TTLL10: variants seen among roughly 807,000 people sequenced by gnomAD.
TTLL10 encodes the protein tubulin tyrosine ligase like 10.
TTLL10 carries 61 observed loss-of-function variants against 69.0 expected under a neutral mutation model. The observed-to-expected ratio is 0.88, with a 90% CI of 0.72 to 1.09. TTLL10 has a LOEUF of 1.09. TTLL10 is among the 50% of genes least tolerant of loss of function. TTLL10 has a pLI of 0.00. For missense variants in TTLL10, 962 were observed against 945.9 expected, an observed-to-expected ratio of 1.02 and a Z score of -0.22; for synonymous variants, 408 against 393.3, an observed-to-expected ratio of 1.04 and a Z score of -0.44.
chr1:1,179,809 G>A, intron 5 of TTLL10, 72 bp downstream of exon 5: 1 of 1,478,514 alleles, frequency 6.8e-7, no homozygotes, highest in South Asian at 1.3e-5. Context: ...GAACCTGCCG[G>A]CAGGAAGCCT....
chr1:1,183,542 G>A (rs1314347437), intron 11 of TTLL10, among the ~76,000 whole-genome samples: 2 of 152,168 alleles, frequency 1.3e-5, no homozygotes, highest in African/African-American at 4.8e-5. Context: ...GCTTCCATCG[G>A]CTCCTCCCTC....
chr1:1,173,951 C>T lies in TTLL10; in HGVS notation c.-131+25C>T, dbSNP rs900300978. 6.6e-6 allele frequency: 1 copy of T among 152,342 alleles called. No individual in the cohort carries two copies. The highest frequency in any genetic ancestry group is 1.5e-5 in the Non-Finnish European group (1 of 68,136). The allele number at this position is 152,342 out of a possible 1,614,324, so 9.4% of individuals were successfully genotyped here. On this transcript the variant is annotated intron_variant, in intron 1 of 15. Coordinates refer to ENST00000379289, the MANE Select transcript of TTLL10 (RefSeq NM_001130045.2). The surrounding 1 kb of genome is among the most constrained non-coding windows in gnomAD (Gnocchi z 4.1). ...GGTAAGAAGCGCCGGCGGCCACCAGCTGGGGTCCAGTGGGCTCGGCCCCGC... is the reference window on the plus strand; with the variant it reads ...GGTAAGAAGCGCCGGCGGCCACCAGTTGGGGTCCAGTGGGCTCGGCCCCGC...
intron 13 of TTLL10, among the ~76,000 whole-genome samples, chr1:1,187,904 CA>C (rs35247267): frequency 0.28 from 37,513 of 135,086 alleles, 4,862 homozygotes; most frequent in Admixed American, 0.4. Flanking sequence ...GACTCCATCT[CA>C]AAAAAAAAAA....
rs976474559 is a variant in TTLL10, at chr1:1,197,559, C to G, written c.1734C>G (p.Gly578=). 1.1e-5 allele frequency: 17 copies of G among 1,516,640 alleles called. No homozygotes were observed. In the African/African-American group the frequency reaches 1.8e-4, roughly 16 times the overall value. 93.9% of individuals were successfully genotyped at this position (1,516,640 alleles called of 1,614,324 possible). A position where few individuals can be genotyped will look rare whatever the true frequency, so the allele number is the denominator to read the frequency against. ...GEADPRPHLG[G]SCSLRRWPPL... ...CCGACCCGCGGCCGCACCTGGGGGG[C>G]TCGTGCAGCCTCCGCCGCTGGCCGC... Residue 578 remains glycine, a synonymous_variant, in exon 16 of 16, where the codon GGC becomes GGG. Coordinates refer to ENST00000379289, the MANE Select transcript of TTLL10 (RefSeq NM_001130045.2).
chr1:1,193,547 C>T (rs1389610430), intron 13 of TTLL10, among the ~76,000 whole-genome samples: 2 of 151,284 alleles, frequency 1.3e-5, no homozygotes, highest in Non-Finnish European at 2.9e-5. Context: ...CACTGCAGCC[C>T]CCGCCTCCCG....
Position 1,183,873 on chromosome 1 carries a change from G to T in TTLL10, c.1089-47G>T, listed in dbSNP as rs1254233476. On this transcript the variant is annotated intron_variant, in intron 11 of 15. Transcript: ENST00000379289. Reference sequence around the variant, plus strand: ...GTGGGGTGTGAGGGGATGCAGGCCAGGCTGGCCCCGTGGCTCAGCCCAGCA... The same window carrying T: ...GTGGGGTGTGAGGGGATGCAGGCCATGCTGGCCCCGTGGCTCAGCCCAGCA... 4 of 1,610,206 alleles carry T rather than the reference G, an allele frequency of 2.5e-6. No individual in the cohort carries two copies. The East Asian group carries it at 8.9e-5, about 36-fold the overall frequency.
chr1:1,183,063 C>A lies in TTLL10; in HGVS notation c.1088+16C>A. 1.3e-6 allele frequency: 2 copies of A among 1,577,724 alleles called. No homozygotes were observed. Among genetic ancestry groups the A allele is most frequent in the East Asian group, 2.4e-5 (1 of 42,342 alleles). On this transcript the variant is annotated intron_variant, in intron 11 of 15. Coordinates refer to ENST00000379289, the MANE Select transcript of TTLL10 (RefSeq NM_001130045.2). ...TGGTGCAGAGGTGCGGCGGCGGGTGCCCGGAGGGGTGAGGGTCTGGGCTGG... is the reference window on the plus strand; with the variant it reads ...TGGTGCAGAGGTGCGGCGGCGGGTGACCGGAGGGGTGAGGGTCTGGGCTGG...
At chr1:1,187,830 G>A (rs1392017802) in intron 13 of TTLL10, among the ~76,000 whole-genome samples, 3 of 152,034 alleles carry the variant, frequency 2.0e-5, no homozygotes, top group East Asian at 1.9e-4. Context: ...ACTTGAACCC[G>A]GGAGGCAGAG....
Position 1,180,728 on chromosome 1 carries a change from C to A in TTLL10, c.626-3C>A. 6.2e-7 allele frequency: 1 copy of A among 1,604,014 alleles called. No homozygotes were observed. The highest frequency in any genetic ancestry group is 8.5e-7 in the Non-Finnish European group (1 of 1,175,896). On this transcript the variant is annotated splice_polypyrimidine_tract_variant and splice_region_variant and intron_variant, in intron 7 of 15. Transcript: ENST00000379289. Reference sequence around the variant, plus strand: ...CACACGAGCCCTGGCCTCTGACCTCCAGGAGAGCAGCTGCTGTACCAGCTT... The same window carrying A: ...CACACGAGCCCTGGCCTCTGACCTCAAGGAGAGCAGCTGCTGTACCAGCTT...
At chr1:1,186,364 C>T (rs1181361365) in intron 13 of TTLL10, among the ~76,000 whole-genome samples, 2 of 152,202 alleles carry the variant, frequency 1.3e-5, no homozygotes, top group Non-Finnish European at 2.9e-5. Flanking sequence ...GCTGGGATTA[C>T]AGGCGTGAGC....
intron 13 of TTLL10, among the ~76,000 whole-genome samples, chr1:1,190,183 T>G (rs1313872331): frequency 6.6e-6 from 1 of 151,798 alleles, no homozygotes; most frequent in Non-Finnish European, 1.5e-5. Context: ...AAGTATTCCC[T>G]TGTCATCCTT....
Position 1,185,456 on chromosome 1 carries a change from C to A in TTLL10, c.1401+347C>A. 4 of 1,096,982 alleles carry A rather than the reference C, an allele frequency of 3.6e-6. No homozygotes were observed. Among genetic ancestry groups the A allele is most frequent in the Non-Finnish European group, 4.4e-6 (4 of 901,692 alleles). The allele number at this position is 1,096,982 out of a possible 1,614,324, so 68.0% of individuals were successfully genotyped here. ...AGATCCTCCACTTGGCAGGCAGGGC[C>A]AACAGCAGCCCCCGGGCCAGGTGTC... is the stretch of plus-strand genomic sequence containing the variant. On this transcript the variant is annotated intron_variant, in intron 13 of 15. Transcript: ENST00000379289. The surrounding 1 kb of genome is among the most constrained non-coding windows in gnomAD (Gnocchi z 6.1).
rs1331622880 is a variant in TTLL10 at position 1,197,545 on chromosome 1, C to A, written c.1720C>A (p.Pro574Thr). The part of the protein sequence containing the change: ...LLHNGEADPR[P>T]HLGGSCSLRR... ...GCACAACGGTGAGGCCGACCCGCGG[C>A]CGCACCTGGGGGGCTCGTGCAGCCT... The change falls in exon 16 of 16, where the codon CCG (proline) becomes ACG (threonine). Residue 574 changes from proline (P) to threonine (T), a missense_variant. Transcript: ENST00000379289. The A allele has an allele frequency of 9.2e-6, 14 of 1,525,268 alleles. No individual in the cohort carries two copies. The highest frequency in any genetic ancestry group is 1.7e-4 in the Middle Eastern group (1 of 5,818). 94.5% of individuals were successfully genotyped at this position (1,525,268 alleles called of 1,614,324 possible).
intron 4 of TTLL10, 64 bp from the exon 5 acceptor site, chr1:1,179,593 C>A: frequency 6.5e-7 from 1 of 1,547,060 alleles, no homozygotes; most frequent in Admixed American, 2.0e-5. Flanking sequence ...CGTCTCCCGG[C>A]CTGACAATGG....
At chr1:1,182,307 C>T in intron 9 of TTLL10, 54 bp from the exon 10 acceptor site, 2 of 1,550,080 alleles carry the variant, frequency 1.3e-6, no homozygotes, top group Non-Finnish European at 1.8e-6. Context: ...AAACCGCCCA[C>T]CCAGCCAGGG....
At chr1:1,195,627 GA>G (rs980430052) in intron 13 of TTLL10, among the ~76,000 whole-genome samples, 4 of 150,760 alleles carry the variant, frequency 2.7e-5, no homozygotes, top group Non-Finnish European at 5.9e-5. Context: ...TTACAGACGT[GA>G]GCCACTGTGC....
Position 1,181,800 on chromosome 1 carries a change from A to G in TTLL10, c.815A>G (p.Tyr272Cys), listed in dbSNP as rs369048866. The change falls in exon 9 of 16, where the codon TAC becomes TGC. Residue 272 changes from tyrosine (Y) to cysteine (C), a missense_variant. Transcript: ENST00000379289. This position sits in a 1 kb window ranked among gnomAD's most constrained non-coding sequence, Gnocchi z 4.6. ...LEDLPWTSPGYLRPQRVLRME... is the reference protein window; with the variant it reads ...LEDLPWTSPGCLRPQRVLRME... ...GACCTCCCGTGGACAAGCCCAGGAT[A>G]CCTCAGGCCACAGAGGTAGACTCAG... 1 of 1,608,164 alleles carries G rather than the reference A, an allele frequency of 6.2e-7. No individual in the cohort carries two copies. Among genetic ancestry groups the G allele is most frequent in the Non-Finnish European group, 8.5e-7 (1 of 1,178,260 alleles).
Position 1,179,717 on chromosome 1 carries a change from C to T in TTLL10, c.179C>T (p.Ala60Val). The T allele has an allele frequency of 6.5e-7, 1 of 1,550,262 alleles. No homozygotes were observed. Residue 60 changes from alanine to valine, a missense_variant, in exon 5 of 16, where the codon GCA becomes GTA. By Grantham distance (64) the Ala-to-Val change is moderately conservative (BLOSUM62 0). Coordinates refer to ENST00000379289, the MANE Select transcript of TTLL10 (RefSeq NM_001130045.2). ...GCCTCACAGCCCGGCCCCTGCCCTG[C>T]ACCAGGCCACTGCCCTGTTGGTGAG... Reference protein sequence around the residue: ...APASQPGPCPAPGHCPVGPAH... With the variant: ...APASQPGPCPVPGHCPVGPAH...
At chr1:1,178,538 G>A (rs1456227363) in intron 3 of TTLL10, among the ~76,000 whole-genome samples, 1 of 150,978 alleles carries the variant, frequency 6.6e-6, no homozygotes, top group Admixed American at 6.6e-5. Flanking sequence ...TCCAGCCTGG[G>A]CCACAAGAAT....
Sources: gnomAD v4.1 joint callset for allele counts (sites outside exome capture counted in the v4.1 genomes callset) on GRCh38, gnomAD v4.1.1 for gene constraint, Gnocchi (gnomAD v3.1) non-coding constraint, MANE v1.5 for transcripts, NCBI Gene and HGNC (gene_info 2026-07-23, HGNC 2026-07-21) for gene names.